The following LY86 variants were observed in gnomAD, a reference collection of about 807,000 sequenced individuals.
The protein encoded by LY86 is lymphocyte antigen 86.
LY86 carries 20 observed loss-of-function variants against 17.3 expected under a neutral mutation model. That is an observed-to-expected ratio of 1.15 (90% CI 0.81 to 1.68). The LOEUF is 1.68. Ranked by LOEUF, LY86 falls within the 40% of genes most tolerant of loss-of-function variation. The probability of loss-of-function intolerance (pLI) is 0.00; values close to 1 mark genes in which losing one functional copy is unlikely to be tolerated. For missense variants in LY86, 200 were observed against 191.9 expected (o/e 1.04, Z -0.25); for synonymous variants, 74 against 70.6 (o/e 1.05, Z -0.24).
intron 1 of LY86, among the ~76,000 whole-genome samples, chr6:6,602,599 G>A (rs902591913): frequency 6.6e-6 from 1 of 152,208 alleles, no homozygotes; most frequent in Non-Finnish European, 1.5e-5. Context: ...CCAGGAGAGT[G>A]AAGAAGCGAG....
At chr6:6,617,481 A>T (rs1761581710) in intron 1 of LY86, among the ~76,000 whole-genome samples, 1 of 152,230 alleles carries the variant, frequency 6.6e-6, no homozygotes, top group Non-Finnish European at 1.5e-5. Context: ...TGAGAGATTT[A>T]GAGTATATAT....
At chr6:6,611,835 T>C (rs1167900830) in intron 1 of LY86, among the ~76,000 whole-genome samples, 1 of 152,228 alleles carries the variant, frequency 6.6e-6, no homozygotes, top group African/African-American at 2.4e-5. Flanking sequence ...GCAGGGCTTT[T>C]GTCTCTCCTG....
At chr6:6,624,109 C>A (rs1383495049) in intron 1 of LY86, among the ~76,000 whole-genome samples, 2 of 152,144 alleles carry the variant, frequency 1.3e-5, no homozygotes, top group Non-Finnish European at 2.9e-5. Flanking sequence ...AGAAAGCACA[C>A]AAGCAAATCA....
chr6:6,654,096 C>T (rs1045725762), intron 4 of LY86, among the ~76,000 whole-genome samples: 13 of 152,222 alleles, frequency 8.5e-5, no homozygotes, highest in Non-Finnish European at 1.6e-4. Flanking sequence ...CCCCCCATCC[C>T]CCCACTCCCT....
intron 1 of LY86, among the ~76,000 whole-genome samples, chr6:6,590,968 C>T (rs1021018046): frequency 1.3e-5 from 2 of 152,162 alleles, no homozygotes; most frequent in Admixed American, 6.5e-5. Context: ...AGAGAATGAA[C>T]GACTGGATGC....
At chr6:6,646,147 A>G (rs936803694) in intron 3 of LY86, among the ~76,000 whole-genome samples, 3 of 152,146 alleles carry the variant, frequency 2.0e-5, no homozygotes, top group Non-Finnish European at 4.4e-5. Flanking sequence ...AGCATGACAA[A>G]TGAACCCCGG....
chr6:6,634,803 G>T (rs1370460587), intron 3 of LY86, among the ~76,000 whole-genome samples: 1 of 152,176 alleles, frequency 6.6e-6, no homozygotes, highest in Non-Finnish European at 1.5e-5. Context: ...CTGTTTCAAT[G>T]TGCTCCTTTC....
intron 3 of LY86, among the ~76,000 whole-genome samples, chr6:6,632,496 G>A (rs1287279338): frequency 6.6e-6 from 1 of 152,182 alleles, no homozygotes; most frequent in South Asian, 2.1e-4. Flanking sequence ...GAGGCAGAGG[G>A]TTGGAGCATT....
chr6:6,615,926 A>G (rs1207889610), intron 1 of LY86, among the ~76,000 whole-genome samples: 3 of 152,206 alleles, frequency 2.0e-5, no homozygotes, highest in Non-Finnish European at 4.4e-5. Context: ...GGGTGTTCTT[A>G]CATTAAAAAG....
At chr6:6,625,222 T>C (rs1761765015) in intron 2 of LY86, among the ~76,000 whole-genome samples, 1 of 152,172 alleles carries the variant, frequency 6.6e-6, no homozygotes, top group Middle Eastern at 3.2e-3. Flanking sequence ...GCTGTACTTT[T>C]GTATTAAAAA....
At chr6:6,591,249 C>A (rs1187366944) in intron 1 of LY86, 1 of 153,792 alleles carries the variant, frequency 6.5e-6, no homozygotes, top group Non-Finnish European at 1.5e-5. Context: ...CACCTGCCCA[C>A]AGGAGGATGG....
At chr6:6,627,939 C>A (rs1325756048) in intron 3 of LY86, among the ~76,000 whole-genome samples, 1 of 152,100 alleles carries the variant, frequency 6.6e-6, no homozygotes, top group African/African-American at 2.4e-5. Context: ...AACAATACAA[C>A]AAATGAGTGT....
At chr6:6,649,494 C>A in intron 3 of LY86, 131 bp from the exon 4 acceptor site, 1 of 432,158 alleles carries the variant, frequency 2.3e-6, no homozygotes, top group South Asian at 6.2e-5. Flanking sequence ...GAAATGAAAA[C>A]ATTTCTAGCA....
chr6:6,614,825 T>C (rs1378459479), intron 1 of LY86, among the ~76,000 whole-genome samples: 1 of 151,192 alleles, frequency 6.6e-6, no homozygotes, highest in African/African-American at 2.4e-5. Context: ...TTCTTGAGAG[T>C]CGCTTGGGTA....
At chr6:6,599,780 G>C (rs866494744) in intron 1 of LY86, among the ~76,000 whole-genome samples, 50 of 152,290 alleles carry the variant, frequency 3.3e-4, no homozygotes, top group African/African-American at 1.1e-3. Flanking sequence ...AGGAACATCT[G>C]AGCCAGAAAA....
chr6:6,646,892 G>A (rs969939056), intron 3 of LY86, among the ~76,000 whole-genome samples: 1 of 152,128 alleles, frequency 6.6e-6, no homozygotes, highest in Non-Finnish European at 1.5e-5. Flanking sequence ...GCTAACTGGA[G>A]TATCTTTAAA....
At chr6:6,627,347 T>C (rs924507094) in intron 3 of LY86, among the ~76,000 whole-genome samples, 1 of 152,184 alleles carries the variant, frequency 6.6e-6, no homozygotes, top group African/African-American at 2.4e-5. Flanking sequence ...GAAATTGGAA[T>C]CTCCTTTCTA....
intron 3 of LY86, among the ~76,000 whole-genome samples, chr6:6,636,466 G>A (rs571394505): frequency 6.6e-6 from 1 of 152,300 alleles, no homozygotes; most frequent in African/African-American, 2.4e-5. Context: ...TCAAGCAAGG[G>A]CCCTGAGCCC....
chr6:6,635,316 A>G lies in LY86; in HGVS notation c.352+8895A>G, dbSNP rs183783605. On this transcript the variant is annotated intron_variant, in intron 3 of 4. Transcript: ENST00000230568. The stretch of plus-strand genomic sequence containing the variant: ...ATACCTATGATAAAATTCAATTTAT[A>G]AATTAGCCATAGTTAGAAATTAACA... 2.2e-4 allele frequency among the ~76,000 whole-genome samples: 33 copies of G among 152,376 alleles called. No homozygotes were observed. The East Asian group carries it at 2.9e-3, about 13-fold the overall frequency.
Sources: gnomAD v4.1 joint callset for allele counts (sites outside exome capture counted in the v4.1 genomes callset) on GRCh38, gnomAD v4.1.1 for gene constraint, MANE v1.5 for transcripts, NCBI Gene and HGNC (gene_info 2026-07-23, HGNC 2026-07-21) for gene names.